The following C10orf53 variants were observed in gnomAD, a reference collection of about 807,000 sequenced individuals.
C10orf53 encodes UPF0728 protein C10orf53.
In C10orf53, 8 loss-of-function variants were observed where a neutral mutation model predicts 9.4. The observed-to-expected ratio is 0.85, with a 90% CI of 0.50 to 1.53. The LOEUF (loss-of-function observed/expected upper bound fraction) is 1.53. Among genes scored for constraint, C10orf53 ranks in the 40% most tolerant of loss-of-function variants. The probability of loss-of-function intolerance (pLI) is 0.00; values close to 1 mark genes in which losing one functional copy is unlikely to be tolerated. For synonymous variants in C10orf53, 48 were observed against 46.0 expected, an observed-to-expected ratio of 1.04 and a Z score of -0.18; for missense variants, 117 against 117.8, an observed-to-expected ratio of 0.99 and a Z score of 0.03.
intron 2 of C10orf53, among the ~76,000 whole-genome samples, chr10:49,706,174 T>G (rs914127568): frequency 6.6e-6 from 1 of 152,178 alleles, no homozygotes; most frequent in Non-Finnish European, 1.5e-5. Flanking sequence ...GGCAGCCACT[T>G]TGGAAAACAG....
At chr10:49,680,385 C>T (rs1840467935) in intron 1 of C10orf53, among the ~76,000 whole-genome samples, 1 of 152,158 alleles carries the variant, frequency 6.6e-6, no homozygotes, top group African/African-American at 2.4e-5. Flanking sequence ...TCTGGAAAGG[C>T]TCATTTAAGT....
chr10:49,704,424 T>C (rs1210827098), intron 2 of C10orf53, among the ~76,000 whole-genome samples: 3 of 152,176 alleles, frequency 2.0e-5, no homozygotes, highest in Non-Finnish European at 2.9e-5. Flanking sequence ...ACCTCATTCT[T>C]AATAAGATAA....
downstream of C10orf53, among the ~76,000 whole-genome samples, chr10:49,699,777 G>A (rs1026737153): frequency 2.0e-5 from 3 of 152,106 alleles, no homozygotes; most frequent in Non-Finnish European, 4.4e-5. Flanking sequence ...TTATGTAAAT[G>A]AAAAAGCAAA....
At chr10:49,699,881 T>C (rs540371987), downstream of C10orf53, among the ~76,000 whole-genome samples, 84 of 127,996 alleles carry the variant, frequency 6.6e-4, no homozygotes, top group Non-Finnish European at 1.2e-3. Context: ...GGCCCAGCTG[T>C]AGGCAGAGCT....
At chr10:49,708,245 G>T in intron 2 of C10orf53, 2 of 1,452,186 alleles carry the variant, frequency 1.4e-6, no homozygotes, top group Non-Finnish European at 1.8e-6. Flanking sequence ...ATATTGGTTT[G>T]TATACCTGAA....
At position 49,693,756 on chromosome 10, in the gene C10orf53, C is replaced by T. The variant is rs146500794; in HGVS notation, c.98-18C>T. ...AGTCTGACCCCATGTCACTCACCTC[C>T]TTTTCTTTCCTTCCCAGCTGTGTTG... On this transcript the variant is annotated intron_variant, in intron 1 of 2. Coordinates refer to ENST00000374111, the MANE Select transcript of C10orf53 (RefSeq NM_001042427.3). 4.3e-4 allele frequency: 699 copies of T among 1,611,394 alleles called. 5 individuals are homozygous for T. In the African/African-American group the frequency reaches 7.8e-3, roughly 18 times the overall value.
chr10:49,709,159 G>A (rs1840743791), exon 3 of C10orf53: 2 of 156,216 alleles, frequency 1.3e-5, no homozygotes, highest in South Asian at 2.0e-4. Context: ...GTGAGTCTTG[G>A]TGGAAACAGA....
chr10:49,704,876 T>C (rs1010641905), intron 2 of C10orf53, among the ~76,000 whole-genome samples: 2 of 152,254 alleles, frequency 1.3e-5, no homozygotes, highest in African/African-American at 4.8e-5. Context: ...CAGAGCAATC[T>C]GGCATTGTCA....
intron 2 of C10orf53, among the ~76,000 whole-genome samples, chr10:49,705,163 G>C (rs548475750): frequency 6.6e-6 from 1 of 152,236 alleles, no homozygotes; most frequent in East Asian, 1.9e-4. Flanking sequence ...AAAAAAGTAT[G>C]GTGTGGAGGA....
At chr10:49,701,707 C>A (rs946598393), downstream of C10orf53, among the ~76,000 whole-genome samples, 1 of 152,156 alleles carries the variant, frequency 6.6e-6, no homozygotes, top group African/African-American at 2.4e-5. Context: ...CTCCTTGAAG[C>A]CTGCCCTGCC....
At chr10:49,708,714 A>G (rs1343002936) in exon 3 of C10orf53, 8 of 1,521,316 alleles carry the variant, frequency 5.3e-6, no homozygotes, top group Non-Finnish European at 7.1e-6. Flanking sequence ...TGAGTCCCCC[A>G]AAACAAAAAT....
downstream of C10orf53, among the ~76,000 whole-genome samples, chr10:49,701,774 C>G (rs555180200): frequency 1.3e-5 from 2 of 152,240 alleles, no homozygotes; most frequent in East Asian, 1.9e-4. Context: ...GCATCGCATG[C>G]CAGCCACACT....
chr10:49,687,621 C>A (rs530301231), intron 1 of C10orf53, among the ~76,000 whole-genome samples: 16 of 152,232 alleles, frequency 1.1e-4, no homozygotes, highest in Non-Finnish European at 2.4e-4. Flanking sequence ...ATGTGAGATT[C>A]TGATGAGCAA....
chr10:49,682,350 C>T (rs1840486982), intron 1 of C10orf53, among the ~76,000 whole-genome samples: 1 of 152,112 alleles, frequency 6.6e-6, no homozygotes, highest in Non-Finnish European at 1.5e-5. Context: ...TGTTACAGCT[C>T]TTAAAGGTGG....
intron 1 of C10orf53, among the ~76,000 whole-genome samples, chr10:49,685,274 A>G (rs910861445): frequency 1.3e-5 from 2 of 152,210 alleles, no homozygotes; most frequent in African/African-American, 4.8e-5. Context: ...CTTTCAGTAT[A>G]GTATTCAATA....
At chr10:49,707,540 A>G (rs1360952645) in intron 2 of C10orf53, among the ~76,000 whole-genome samples, 1 of 152,206 alleles carries the variant, frequency 6.6e-6, no homozygotes, top group Non-Finnish European at 1.5e-5. Flanking sequence ...ACACCAAATA[A>G]GATTCAGAGC....
chr10:49,683,601 A>C (rs1392357892), intron 1 of C10orf53, among the ~76,000 whole-genome samples: 1 of 152,170 alleles, frequency 6.6e-6, no homozygotes, highest in Non-Finnish European at 1.5e-5. Context: ...TCTGCTGGGC[A>C]TGGTGGCTCA....
chr10:49,708,502 T>C (rs1840738806), exon 3 of C10orf53: 1 of 1,614,212 alleles, frequency 6.2e-7, no homozygotes, highest in African/African-American at 1.3e-5. Context: ...TGTACTGTAT[T>C]GGCCCAGATT....
At chr10:49,681,694 C>G (rs1257531431) in intron 1 of C10orf53, among the ~76,000 whole-genome samples, 1 of 152,246 alleles carries the variant, frequency 6.6e-6, no homozygotes, top group Non-Finnish European at 1.5e-5. Context: ...CTCTTCCTGG[C>G]TTGCTGACAG....
Sources: gnomAD v4.1 joint callset for allele counts (sites outside exome capture counted in the v4.1 genomes callset) on GRCh38, gnomAD v4.1.1 for gene constraint, MANE v1.5 for transcripts, NCBI Gene and HGNC (gene_info 2026-07-23, HGNC 2026-07-21) for gene names.